EHD3: variants seen among roughly 807,000 people sequenced by gnomAD.
EHD3 encodes the protein EH domain-containing protein 3.
In EHD3, 17 loss-of-function variants were observed where a neutral mutation model predicts 43.0. The ratio of observed to expected loss-of-function variants is 0.40; its 90% CI spans 0.27 to 0.59. The LOEUF (loss-of-function observed/expected upper bound fraction) is 0.59. Ranked by LOEUF, EHD3 falls within the 20% of genes least tolerant of loss-of-function variation. EHD3 has a pLI of 0.49. For synonymous variants in EHD3, 313 were observed against 289.5 expected (o/e 1.08, Z -0.82); for missense variants, 594 against 705.6 (o/e 0.84, Z 1.79).
chr2:31,261,840 A>AAAC, intron 5 of EHD3, 127 bp downstream of exon 5: 7 of 1,054,550 alleles, frequency 6.6e-6, no homozygotes, highest in South Asian at 4.9e-5. Context: ...GCAGGCAAGG[A>AAAC]GGTGGCCCTG....
chr2:31,234,840 C>G lies in EHD3; in HGVS notation c.219C>G (p.Thr73=). The G allele has an allele frequency of 6.2e-7, 1 of 1,614,136 alleles. No homozygotes were observed. Among genetic ancestry groups the G allele is most frequent in the Middle Eastern group, 1.6e-4 (1 of 6,062 alleles). ...LVGQYSTGKT[T]FIRYLLEQDF... ...GCCAGTACTCCACTGGGAAGACCAC[C>G]TTCATCAGGTGAGCCGGCCCAGGGT... The change falls in exon 1 of 6, where the codon ACC becomes ACG. Residue 73 remains threonine, a synonymous_variant. Coordinates refer to ENST00000322054, the MANE Select transcript of EHD3 (RefSeq NM_014600.3).
At chr2:31,250,533 TG>T (rs543215263) in intron 3 of EHD3, among the ~76,000 whole-genome samples, 6 of 152,256 alleles carry the variant, frequency 3.9e-5, no homozygotes, top group African/African-American at 1.4e-4. Flanking sequence ...CCCAAAGTGT[TG>T]GGGATTACAG....
At chr2:31,251,790 C>T (rs536570946) in intron 3 of EHD3, among the ~76,000 whole-genome samples, 13 of 152,232 alleles carry the variant, frequency 8.5e-5, no homozygotes, top group Admixed American at 3.9e-4. Context: ...TGTTAAGGGC[C>T]CTGTGGAGGG....
chr2:31,244,953 G>A (rs1411702786), intron 2 of EHD3, among the ~76,000 whole-genome samples: 10 of 152,060 alleles, frequency 6.6e-5, no homozygotes, highest in African/African-American at 1.9e-4. Flanking sequence ...CTCTTCCCCC[G>A]GGACAAGTTC....
chr2:31,247,544 T>C (rs1683550468), intron 2 of EHD3, among the ~76,000 whole-genome samples: 1 of 152,124 alleles, frequency 6.6e-6, no homozygotes. Flanking sequence ...AGAGCAGACA[T>C]TGACAAGGAA....
At position 31,234,567 on chromosome 2, in the gene EHD3, C is replaced by T; in HGVS notation, c.-55C>T. On this transcript the variant is annotated 5_prime_UTR_variant, in exon 1 of 6. Transcript: ENST00000322054. ...CGGACCGGTCCTACGGGACATCTTC[C>T]CCTGAGGAGGAGTCTTCCCCTGGGG... 7 of 1,593,256 alleles carry T rather than the reference C, an allele frequency of 4.4e-6. No homozygotes were observed. Among genetic ancestry groups the T allele is most frequent in the Non-Finnish European group, 6.0e-6 (7 of 1,167,256 alleles).
chr2:31,242,204 A>AGCCCTGGCAAGCC (rs1683436228), intron 1 of EHD3, among the ~76,000 whole-genome samples: 1 of 152,226 alleles, frequency 6.6e-6, no homozygotes, highest in Non-Finnish European at 1.5e-5. Flanking sequence ...AGTGGGAGGA[A>AGCCCTGGCAAGCC]GCCCTGGCAA....
chr2:31,253,556 C>T lies in EHD3; in HGVS notation c.502+4088C>T, dbSNP rs373242468. ...ATAAAAAGGGGCATGGTTATCAAGT[C>T]GGCACAGAGGCCCCTACTGGCCATA... On this transcript the variant is annotated intron_variant, in intron 3 of 5. Transcript: ENST00000322054. Among the ~76,000 whole-genome samples the T allele has an allele frequency of 9.7e-4, 147 of 152,322 alleles. 1 individual carries two copies. In the South Asian group the frequency reaches 0.028, roughly 29 times the overall value.
At chr2:31,238,138 AG>A (rs1683355942) in intron 1 of EHD3, among the ~76,000 whole-genome samples, 1 of 152,118 alleles carries the variant, frequency 6.6e-6, no homozygotes, top group African/African-American at 2.4e-5. Flanking sequence ...GTTTTCCGAG[AG>A]GGTGAGTTGA....
At chr2:31,236,589 CAG>C (rs1683328503) in intron 1 of EHD3, among the ~76,000 whole-genome samples, 1 of 152,210 alleles carries the variant, frequency 6.6e-6, no homozygotes. Context: ...ATTCATGCCT[CAG>C]GGGAAGTTCA....
intron 1 of EHD3, among the ~76,000 whole-genome samples, chr2:31,243,779 T>C (rs546822082): frequency 6.6e-6 from 1 of 152,186 alleles, no homozygotes; most frequent in South Asian, 2.1e-4. Flanking sequence ...ATAGTGTACC[T>C]TTTATATTGT....
chr2:31,247,468 A>G (rs1438935349), intron 2 of EHD3, among the ~76,000 whole-genome samples: 3 of 152,204 alleles, frequency 2.0e-5, no homozygotes, highest in Non-Finnish European at 4.4e-5. Flanking sequence ...TGTGATTTCA[A>G]TGAATAAAAT....
intron 3 of EHD3, among the ~76,000 whole-genome samples, chr2:31,252,771 A>G (rs1572467884): frequency 6.6e-6 from 1 of 152,120 alleles, no homozygotes; most frequent in Admixed American, 6.5e-5. Flanking sequence ...CTCCCATCCC[A>G]CATTGACTAA....
chr2:31,237,007 C>T (rs1683336912), intron 1 of EHD3, among the ~76,000 whole-genome samples: 1 of 152,152 alleles, frequency 6.6e-6, no homozygotes, highest in Admixed American at 6.5e-5. Flanking sequence ...TCTTTCTTAT[C>T]CTCCATGTGC....
rs1202403131 is a variant in EHD3, at chr2:31,266,788, A to ACACG, written c.*87_*88insGCAC. On this transcript the variant is annotated 3_prime_UTR_variant, in exon 6 of 6. Transcript: ENST00000322054. The surrounding 1 kb of genome is among the most constrained non-coding windows in gnomAD (Gnocchi z 5.1). ...CACACACACACACACACACACACAC[A>ACACG]CACACAAACATGCACACACACATAT... The ACACG allele has an allele frequency of 3.4e-4, 480 of 1,400,032 alleles. No homozygotes were observed. The highest frequency in any genetic ancestry group is 4.4e-4 in the Non-Finnish European group (458 of 1,037,172). The allele number at this position is 1,400,032 out of a possible 1,614,324, so 86.7% of individuals were successfully genotyped here. A position where few individuals can be genotyped will look rare whatever the true frequency, so the allele number is the denominator to read the frequency against.
Position 31,266,053 on chromosome 2 carries a change from A to G in EHD3, c.1081-124A>G. On this transcript the variant is annotated intron_variant, in intron 5 of 5. Coordinates refer to ENST00000322054, the MANE Select transcript of EHD3 (RefSeq NM_014600.3). This position sits in a 1 kb window ranked among gnomAD's most constrained non-coding sequence, Gnocchi z 5.1. ...TGTCCATCAGCTGAGCCTCTAGGTC[A>G]CAGGTCTTTCATTGTAGAAAGGGAT... 2.4e-6 allele frequency: 3 copies of G among 1,257,860 alleles called. No homozygotes were observed. The South Asian group carries it at 4.6e-5, about 19-fold the overall frequency. 77.9% of individuals were successfully genotyped at this position (1,257,860 alleles called of 1,614,324 possible).
intron 1 of EHD3, among the ~76,000 whole-genome samples, chr2:31,242,675 G>T (rs10176736): frequency 0.63 from 96,158 of 152,142 alleles, 31,655 homozygotes; most frequent in East Asian, 0.83. Context: ...AAGATCAGGT[G>T]GCTGGGTATG....
Position 31,266,434 on chromosome 2 carries a change from C to T in EHD3, c.1338C>T (p.Pro446=), listed in dbSNP as rs1683952417. The T allele has an allele frequency of 6.2e-7, 1 of 1,613,862 alleles. No homozygotes were observed. The highest frequency in any genetic ancestry group is 2.2e-5 in the East Asian group (1 of 44,848). The change falls in exon 6 of 6, where the codon CCC becomes CCT. Residue 446 remains proline (P), a synonymous_variant. Coordinates refer to ENST00000322054, the MANE Select transcript of EHD3 (RefSeq NM_014600.3). This position sits in a 1 kb window ranked among gnomAD's most constrained non-coding sequence, Gnocchi z 5.1. ...AGTGGGTGGTGGCCAGGGACAAGCC[C>T]ATGTACGACGAGATCTTCTACACCC... ...DAEWVVARDK[P]MYDEIFYTLS... is the part of the protein sequence containing the mutation.
At position 31,266,815 on chromosome 2, in the gene EHD3, C is replaced by T; in HGVS notation, c.*111C>T. ...ACACAAACATGCACACACACATATG[C>T]ATATCTTGACATTGCTCTGTAGGTG... On this transcript the variant is annotated 3_prime_UTR_variant, in exon 6 of 6. Coordinates refer to ENST00000322054, the MANE Select transcript of EHD3 (RefSeq NM_014600.3). The surrounding 1 kb of genome is among the most constrained non-coding windows in gnomAD (Gnocchi z 5.1). The T allele has an allele frequency of 7.7e-7, 1 of 1,292,904 alleles. No individual in the cohort carries two copies. The highest frequency in any genetic ancestry group is 2.5e-5 in the East Asian group (1 of 40,306). The allele number at this position is 1,292,904 out of a possible 1,614,324, so 80.1% of individuals were successfully genotyped here.
Sources: gnomAD v4.1 joint callset for allele counts (sites outside exome capture counted in the v4.1 genomes callset) on GRCh38, gnomAD v4.1.1 for gene constraint, Gnocchi (gnomAD v3.1) non-coding constraint, MANE v1.5 for transcripts, NCBI Gene and HGNC (gene_info 2026-07-23, HGNC 2026-07-21) for gene names.